Variants in COL13A1 observed in about 807,000 individuals in gnomAD.
COL13A1 encodes collagen alpha-1(XIII) chain.
In COL13A1, 89 loss-of-function variants were observed where a neutral mutation model predicts 130.9. The ratio of observed to expected loss-of-function variants is 0.68; its 90% confidence interval spans 0.57 to 0.81. The LOEUF (loss-of-function observed/expected upper bound fraction) is 0.81. COL13A1 is among the 30% of genes least tolerant of loss of function. The probability of loss-of-function intolerance (pLI) is 0.00; values close to 1 mark genes in which losing one functional copy is unlikely to be tolerated. For synonymous variants in COL13A1, 402 were observed against 341.6 expected (o/e 1.18, Z -1.95); for missense variants, 879 against 934.6 (o/e 0.94, Z 0.78).
chr10:69,955,092 G>A (rs563788364), intron 39 of COL13A1: 2 of 152,300 alleles, frequency 1.3e-5, no homozygotes, highest in South Asian at 4.1e-4. Context: ...AGAATTTGGG[G>A]TCTCACATCC....
chr10:69,852,960 C>A (rs1855346541), intron 2 of COL13A1, among the ~76,000 whole-genome samples: 1 of 152,166 alleles, frequency 6.6e-6, no homozygotes, highest in Non-Finnish European at 1.5e-5. Flanking sequence ...GCTCTGACAT[C>A]CGCCTGGCCT....
rs7094009 is a variant in COL13A1 at position 69,932,800 on chromosome 10, C to G, written c.1728+196C>G. Among the ~76,000 whole-genome samples the G allele has an allele frequency of 0.6, 90,880 of 151,942 alleles. 27,203 individuals carry two copies. The highest frequency in any genetic ancestry group is 0.62 in the African/African-American group (25,808 of 41,422). On this transcript the variant is annotated intron_variant, in intron 31 of 40. Coordinates refer to ENST00000645393, the MANE Select transcript of COL13A1 (RefSeq NM_001368882.1). ...TCTCTCAGCAACCTTCACAGAGCAC[C>G]TCCCATGCTTCCATCCTGGTGCTAG... is the stretch of plus-strand genomic sequence containing the variant.
At position 69,928,976 on chromosome 10, in the gene COL13A1, G is replaced by C; in HGVS notation, c.1462G>C (p.Ala488Pro). 6.2e-7 allele frequency: 1 copy of C among 1,613,542 alleles called. No individual in the cohort carries two copies. Among genetic ancestry groups the C allele is most frequent in the Non-Finnish European group, 8.5e-7 (1 of 1,179,654 alleles). Residue 488 changes from alanine (A) to proline (P), a missense_variant, in exon 28 of 41, where the codon GCT (alanine) becomes CCT (proline). Ala to Pro is a conservative substitution (Grantham distance 27). Around this residue, in one of 3 missense-constraint regions of COL13A1, gnomAD observed 715 missense variants for 721.0 expected, o/e 0.99. Transcript: ENST00000645393. ...TCCTGGGCAAATTGGCCCACCTGGAGCTCCAGGGATTCCAGGCCAGAAGGT... is the reference window on the plus strand; with the variant it reads ...TCCTGGGCAAATTGGCCCACCTGGACCTCCAGGGATTCCAGGCCAGAAGGT... ...GLPGQIGPPG[A>P]PGIPGQKGEI...
intron 39 of COL13A1, among the ~76,000 whole-genome samples, chr10:69,954,642 G>T (rs568198775): frequency 6.6e-6 from 1 of 152,194 alleles, no homozygotes; most frequent in Non-Finnish European, 1.5e-5. Flanking sequence ...AGGTTGGATC[G>T]TGGGTCGCTG....
intron 36 of COL13A1, 143 bp from the exon 37 acceptor site, chr10:69,945,528 C>A: frequency 8.9e-7 from 1 of 1,128,292 alleles, no homozygotes; most frequent in Non-Finnish European, 1.3e-6. Context: ...CAGCAGCACC[C>A]CACCTTTCCC....
chr10:69,945,762 C>G (rs1226041333), intron 37 of COL13A1, 38 bp downstream of exon 37: 2 of 1,592,674 alleles, frequency 1.3e-6, no homozygotes, highest in East Asian at 4.5e-5. Flanking sequence ...CTCCTCCCAC[C>G]CCTGCCCCCA....
chr10:69,918,950 G>A, intron 19 of COL13A1, 112 bp from the exon 20 acceptor site: 2 of 1,277,496 alleles, frequency 1.6e-6, no homozygotes. Context: ...CTGGCCAGAT[G>A]TTTCACTAAC....
chr10:69,885,899 C>A (rs1468803321), intron 7 of COL13A1, among the ~76,000 whole-genome samples: 4 of 152,128 alleles, frequency 2.6e-5, no homozygotes, highest in Non-Finnish European at 4.4e-5. Flanking sequence ...GCCACAAGCC[C>A]ATCCTAAGCC....
At chr10:69,919,193 G>A (rs949200723) in intron 20 of COL13A1, 105 bp downstream of exon 20, 15 of 1,448,474 alleles carry the variant, frequency 1.0e-5, no homozygotes, top group African/African-American at 4.2e-5. Flanking sequence ...AGGCTGGCCT[G>A]GGACTGGGGA....
At chr10:69,905,190 C>T (rs1006305856) in intron 16 of COL13A1, among the ~76,000 whole-genome samples, 4 of 152,216 alleles carry the variant, frequency 2.6e-5, no homozygotes, top group Admixed American at 2.0e-4. Flanking sequence ...TACGGGCTGG[C>T]ATTGAAGGCA....
chr10:69,916,591 T>C (rs1036079724), intron 17 of COL13A1, among the ~76,000 whole-genome samples: 1 of 152,178 alleles, frequency 6.6e-6, no homozygotes, highest in African/African-American at 2.4e-5. Flanking sequence ...GGCATTTTTC[T>C]GGAGAAGTAA....
rs114968342 is a variant in COL13A1 at position 69,863,324 on chromosome 10, A to G, written c.365-4474A>G. The stretch of plus-strand genomic sequence containing the variant: ...GCTGAGAACCCCTGCTCCAGCAGGC[A>G]GAGTGTAACCAATATCATTAGTCAC... On this transcript the variant is annotated intron_variant, in intron 2 of 40. Coordinates refer to ENST00000645393, the MANE Select transcript of COL13A1 (RefSeq NM_001368882.1). 7.9e-3 allele frequency among the ~76,000 whole-genome samples: 1,203 copies of G among 152,302 alleles called. 18 individuals are homozygous for G. Among genetic ancestry groups the G allele is most frequent in the African/African-American group, 0.028 (1,158 of 41,564 alleles).
intron 24 of COL13A1, 70 bp downstream of exon 24, chr10:69,923,925 C>A: frequency 6.4e-7 from 1 of 1,558,832 alleles, no homozygotes. Flanking sequence ...TCATCCCGGC[C>A]GACCCTAGGG....
intron 6 of COL13A1, among the ~76,000 whole-genome samples, chr10:69,878,518 G>A (rs1363983215): frequency 6.6e-6 from 1 of 151,646 alleles, no homozygotes; most frequent in Non-Finnish European, 1.5e-5. Flanking sequence ...GTCTCGCTCT[G>A]TCACCCAGGC....
intron 17 of COL13A1, among the ~76,000 whole-genome samples, chr10:69,912,820 CA>C (rs2063526619): frequency 1.3e-5 from 2 of 152,218 alleles, no homozygotes; most frequent in Non-Finnish European, 2.9e-5. Context: ...GCTTGTTCAA[CA>C]AACAGTAAAT....
At chr10:69,807,294 T>C (rs1366160535) in intron 1 of COL13A1, among the ~76,000 whole-genome samples, 1 of 152,208 alleles carries the variant, frequency 6.6e-6, no homozygotes, top group Non-Finnish European at 1.5e-5. Flanking sequence ...CTGATGTCAC[T>C]GTACCTCCCT....
chr10:69,905,715 T>C, intron 16 of COL13A1, 72 bp from the exon 17 acceptor site: 1 of 1,535,508 alleles, frequency 6.5e-7, no homozygotes, highest in Non-Finnish European at 8.9e-7. Flanking sequence ...GATGGTATTG[T>C]GTGGGGAACA....
At chr10:69,802,750 C>A in intron 1 of COL13A1, 33 bp downstream of exon 1, 1 of 1,605,354 alleles carries the variant, frequency 6.2e-7, no homozygotes, top group Non-Finnish European at 8.5e-7. Context: ...TTTTATCCCT[C>A]CCCGCGGCGC....
chr10:69,888,577 A>C (rs1429964478), intron 9 of COL13A1, among the ~76,000 whole-genome samples: 3 of 152,046 alleles, frequency 2.0e-5, no homozygotes, highest in African/African-American at 7.2e-5. Flanking sequence ...CATCCCTAGA[A>C]TGGGTGATTC....
Sources: gnomAD v4.1 joint callset for allele counts (sites outside exome capture counted in the v4.1 genomes callset) on GRCh38, gnomAD v4.1.1 for gene constraint, gnomAD v4.1.1 regional missense constraint, MANE v1.5 for transcripts, NCBI Gene and HGNC (gene_info 2026-07-23, HGNC 2026-07-21) for gene names.